ERC2: variants seen among roughly 807,000 people sequenced by gnomAD.
ERC2 encodes ERC protein 2.
Under a neutral mutation model 114.8 loss-of-function variants are expected in ERC2, and 42 were observed. That is an observed-to-expected ratio of 0.37 (90% CI 0.29 to 0.47). The LOEUF (loss-of-function observed/expected upper bound fraction) is 0.47. Among genes scored for constraint, ERC2 ranks in the 20% least tolerant of loss-of-function variants. The probability of loss-of-function intolerance (pLI) is 0.99; values close to 1 mark genes in which losing one functional copy is unlikely to be tolerated. For missense variants in ERC2, 939 were observed against 1,150.7 expected, an observed-to-expected ratio of 0.82 and a Z score of 2.66; for synonymous variants, 454 against 425.5, an observed-to-expected ratio of 1.07 and a Z score of -0.82.
chr3:55,943,668 C>A (rs890108310), intron 13 of ERC2, among the ~76,000 whole-genome samples: 13 of 152,244 alleles, frequency 8.5e-5, no homozygotes, highest in African/African-American at 3.1e-4. Context: ...GAAAAAGGAT[C>A]CAGCATGAAG....
intron 17 of ERC2, among the ~76,000 whole-genome samples, chr3:55,566,581 G>C (rs1223791928): frequency 2.0e-5 from 3 of 152,124 alleles, no homozygotes; most frequent in Admixed American, 1.3e-4. Flanking sequence ...ACAGGTCTGT[G>C]CCACCACCCC....
intron 7 of ERC2, among the ~76,000 whole-genome samples, chr3:56,063,463 G>A (rs2076333281): frequency 6.6e-6 from 1 of 152,074 alleles, no homozygotes; most frequent in Non-Finnish European, 1.5e-5. Flanking sequence ...CGGATTTTTT[G>A]TATAAAATAA....
Position 55,952,175 on chromosome 3 carries a change from ACACACTCTCTCTCT to A in ERC2, c.2268-1629_2268-1616del, listed in dbSNP as rs1228665326. Among the ~76,000 whole-genome samples, 122 of 63,318 alleles carry A rather than the reference ACACACTCTCTCTCT, an allele frequency of 1.9e-3. 9 individuals are homozygous for A. The highest frequency in any genetic ancestry group is 0.01 in the Middle Eastern group (1 of 96). 41.5% of individuals were successfully genotyped at this position (63,318 alleles called of 152,430 possible). ...CACACACACACACACACACACACAC[ACACACTCTCTCTCT>A]CTCTCTCTCTATATATATATATATA... On this transcript the variant is annotated intron_variant, in intron 12 of 17. Coordinates refer to ENST00000288221, the MANE Select transcript of ERC2 (RefSeq NM_015576.3).
intron 17 of ERC2, among the ~76,000 whole-genome samples, chr3:55,539,378 T>G (rs1481080384): frequency 1.3e-5 from 2 of 150,738 alleles, no homozygotes; most frequent in Admixed American, 1.3e-4. Flanking sequence ...TTCTTTTATT[T>G]TCTTTTTTCT....
chr3:56,247,695 C>A (rs994245628), intron 3 of ERC2, among the ~76,000 whole-genome samples: 2 of 152,168 alleles, frequency 1.3e-5, no homozygotes, highest in South Asian at 4.1e-4. Context: ...GAGCTGAAAA[C>A]AACTGGGTAA....
chr3:56,026,134 C>T (rs1469983946), intron 7 of ERC2, among the ~76,000 whole-genome samples: 1 of 141,386 alleles, frequency 7.1e-6, no homozygotes, highest in Admixed American at 7.4e-5. Flanking sequence ...GGCATGATCT[C>T]GGCCTCCCGG....
In ERC2 at chr3:55,981,388, A is replaced by G. The variant is rs1179175180; in HGVS notation, c.2267+4589T>C. The stretch of plus-strand genomic sequence containing the variant: ...TCAACCCCAACAGGAAAAAGGGGGA[A>G]AAGCACACCTGAAACCTGGTTTTTC... On this transcript the variant is annotated intron_variant, in intron 12 of 17. Coordinates refer to ENST00000288221, the MANE Select transcript of ERC2 (RefSeq NM_015576.3). Among the ~76,000 whole-genome samples the G allele has an allele frequency of 2.0e-5, 3 of 152,250 alleles. No homozygotes were observed. In the East Asian group the frequency reaches 5.8e-4, roughly 29 times the overall value.
At chr3:55,892,339 A>G (rs2063649770) in intron 13 of ERC2, among the ~76,000 whole-genome samples, 1 of 152,182 alleles carries the variant, frequency 6.6e-6, no homozygotes, top group African/African-American at 2.4e-5. Context: ...GCAACATGGC[A>G]AAACTGCATC....
chr3:56,292,817 T>A (rs1020748116), intron 3 of ERC2, among the ~76,000 whole-genome samples: 2 of 152,166 alleles, frequency 1.3e-5, no homozygotes, highest in Non-Finnish European at 2.9e-5. Flanking sequence ...GATCCTCACA[T>A]GGCTGGTCCT....
chr3:56,195,665 C>T (rs2048057929), intron 3 of ERC2, among the ~76,000 whole-genome samples: 1 of 151,746 alleles, frequency 6.6e-6, no homozygotes, highest in African/African-American at 2.4e-5. Flanking sequence ...CTTGTCTCTA[C>T]AAAAAATACA....
intron 14 of ERC2, among the ~76,000 whole-genome samples, chr3:55,842,169 A>T (rs1023450285): frequency 6.6e-5 from 10 of 152,352 alleles, no homozygotes; most frequent in Non-Finnish European, 1.3e-4. Context: ...CCTAAAGCCA[A>T]ACAGTGAGTT....
chr3:56,086,284 G>A (rs1388632621), intron 6 of ERC2, among the ~76,000 whole-genome samples: 3 of 152,032 alleles, frequency 2.0e-5, no homozygotes, highest in African/African-American at 4.8e-5. Context: ...AATGGAGAGC[G>A]AGGATGGTTG....
chr3:55,710,538 CA>C (rs1211440204), intron 15 of ERC2, among the ~76,000 whole-genome samples: 1 of 151,168 alleles, frequency 6.6e-6, no homozygotes, highest in Non-Finnish European at 1.5e-5. Context: ...GGGTACATTT[CA>C]AAAAACACTT....
rs1245166741 is a variant in ERC2 at position 56,380,223 on chromosome 3, T to C, written c.657+54128A>G. Among the ~76,000 whole-genome samples the C allele has an allele frequency of 2.0e-5, 3 of 152,108 alleles. No homozygotes were observed. The East Asian group carries it at 5.8e-4, about 29-fold the overall frequency. ...AGACGTCTGGGGAGACATGATTGCT[T>C]TATAGATCAGAAAACTGAAGGTGTG... On this transcript the variant is annotated intron_variant, in intron 2 of 17. Coordinates refer to ENST00000288221, the MANE Select transcript of ERC2 (RefSeq NM_015576.3).
At chr3:56,400,312 T>C (rs1363505489) in intron 2 of ERC2, among the ~76,000 whole-genome samples, 2 of 152,084 alleles carry the variant, frequency 1.3e-5, no homozygotes, top group Admixed American at 6.5e-5. Context: ...GTGATGGTTA[T>C]GGGGGCTGAG....
At chr3:56,190,188 A>G (rs1465667384) in intron 3 of ERC2, among the ~76,000 whole-genome samples, 1 of 152,174 alleles carries the variant, frequency 6.6e-6, no homozygotes, top group African/African-American at 2.4e-5. Flanking sequence ...CCTCCTATAA[A>G]ACATGTAAGT....
intron 12 of ERC2, among the ~76,000 whole-genome samples, chr3:55,951,759 G>A (rs1033524270): frequency 2.6e-5 from 4 of 151,980 alleles, no homozygotes; most frequent in African/African-American, 7.3e-5. Flanking sequence ...CCCTGACTCA[G>A]TAAAAAACAT....
intron 17 of ERC2, among the ~76,000 whole-genome samples, chr3:55,681,651 G>A (rs920486887): frequency 1.3e-5 from 2 of 152,156 alleles, no homozygotes; most frequent in African/African-American, 4.8e-5. Flanking sequence ...GTTTTCCTCT[G>A]AAGCATATGA....
chr3:56,020,808 T>C (rs1047971276), intron 7 of ERC2, among the ~76,000 whole-genome samples: 1 of 152,090 alleles, frequency 6.6e-6, no homozygotes, highest in African/African-American at 2.4e-5. Context: ...TAGGCAGCAA[T>C]TTCAAAGGAC....
Sources: allele counts gnomAD v4.1 joint callset (sites outside exome capture counted in the v4.1 genomes callset), GRCh38; gene constraint gnomAD v4.1.1; transcripts MANE v1.5; gene names NCBI Gene and HGNC (gene_info 2026-07-23, HGNC 2026-07-21).